Variants in DNAAF11 observed in about 807,000 individuals in gnomAD.
DNAAF11 encodes the protein leucine rich repeat containing 6.
DNAAF11 carries 45 observed loss-of-function variants against 60.8 expected under a neutral mutation model. The observed-to-expected ratio is 0.74, with a 90% CI of 0.58 to 0.95. The LOEUF (loss-of-function observed/expected upper bound fraction) is 0.95. Ranked by LOEUF, DNAAF11 falls within the 40% of genes least tolerant of loss-of-function variation. The pLI is 0.00. For synonymous variants in DNAAF11, 191 were observed against 183.5 expected (o/e 1.04, Z -0.33); for missense variants, 546 against 546.2 (o/e 1.00, Z 0.00).
At chr8:132,690,719 A>T in the DNAAF11 span, among the ~76,000 whole-genome samples, 1 of 152,162 alleles carries the variant, frequency 6.6e-6, no homozygotes, top group Non-Finnish European at 1.5e-5. Flanking sequence ...TCGCCATGAC[A>T]GTTTCTCAGG....
chr8:132,682,500 C>T, the DNAAF11 span, among the ~76,000 whole-genome samples: 2 of 152,288 alleles, frequency 1.3e-5, no homozygotes, highest in African/African-American at 2.4e-5. Context: ...ATTTCTGACC[C>T]ACAGAATCAT....
intron 4 of DNAAF11, 102 bp downstream of exon 4, chr8:132,637,833 A>C: frequency 1.0e-6 from 1 of 968,042 alleles, no homozygotes; most frequent in Non-Finnish European, 1.5e-6. Context: ...ATATTCCATT[A>C]TCTGAAGCAA....
the DNAAF11 span, among the ~76,000 whole-genome samples, chr8:132,692,124 G>T: frequency 1.3e-5 from 2 of 151,880 alleles, no homozygotes; most frequent in Non-Finnish European, 2.9e-5. Flanking sequence ...AGACCAGTTT[G>T]GAGGCTAATG....
chr8:132,677,729 ACT>A (rs1825810202), upstream of DNAAF11, among the ~76,000 whole-genome samples: 1 of 151,994 alleles, frequency 6.6e-6, no homozygotes, highest in South Asian at 2.1e-4. Flanking sequence ...ACATAGTGAG[ACT>A]CTGTGTCTAA....
At chr8:132,618,734 A>T (rs1240292601) in intron 7 of DNAAF11, among the ~76,000 whole-genome samples, 4 of 152,000 alleles carry the variant, frequency 2.6e-5, no homozygotes, top group African/African-American at 9.7e-5. Context: ...AATGCAAATC[A>T]AAACCACAAT....
In DNAAF11 at chr8:132,661,455, C is replaced by T; in HGVS notation, c.178+5G>A. 6.2e-7 allele frequency: 1 copy of T among 1,609,690 alleles called. No homozygotes were observed. On this transcript the variant is annotated splice_donor_5th_base_variant and intron_variant, in intron 2 of 11. Transcript: ENST00000620350. ...AAACCATGAGAACTAAGTACTGAAA[C>T]TTACCAATTTTCCCAATAAGATTAT...
At chr8:132,647,986 G>A (rs909123543) in intron 3 of DNAAF11, among the ~76,000 whole-genome samples, 2 of 152,102 alleles carry the variant, frequency 1.3e-5, no homozygotes, top group Non-Finnish European at 2.9e-5. Flanking sequence ...AGAAGAAGAG[G>A]GAATCCTCCC....
chr8:132,602,002 C>T lies in DNAAF11; in HGVS notation c.1140+8164G>A, dbSNP rs372871244. Among the ~76,000 whole-genome samples the T allele has an allele frequency of 7.9e-5, 12 of 152,158 alleles. No homozygotes were observed. The South Asian group carries it at 2.3e-3, about 29-fold the overall frequency. On this transcript the variant is annotated intron_variant, in intron 10 of 11. Coordinates refer to ENST00000620350, the MANE Select transcript of DNAAF11 (RefSeq NM_012472.6). ...TAACTAAACATGTTAGACCTTCTCA[C>T]TCTATTCTATGTGTTCTTACTGTCT...
chr8:132,622,894 G>A lies in DNAAF11; in HGVS notation c.837-206C>T. 3 of 521,166 alleles carry A rather than the reference G, an allele frequency of 5.8e-6. No homozygotes were observed. In the South Asian group the frequency reaches 8.2e-5, roughly 14 times the overall value. 32.3% of individuals were successfully genotyped at this position (521,166 alleles called of 1,614,324 possible). A position where few individuals can be genotyped will look rare whatever the true frequency, so the allele number is the denominator to read the frequency against. On this transcript the variant is annotated intron_variant, in intron 6 of 11. Transcript: ENST00000620350. ...GACAATCAAGCCAGATTTTTTATAT[G>A]GTTGTATCTGTATCTGTACAGCAAA...
chr8:132,645,160 C>T (rs1822252766), intron 3 of DNAAF11, among the ~76,000 whole-genome samples: 1 of 152,178 alleles, frequency 6.6e-6, no homozygotes, highest in Non-Finnish European at 1.5e-5. Flanking sequence ...CAGGCAGCAA[C>T]ATTTGCTGTT....
the DNAAF11 span, among the ~76,000 whole-genome samples, chr8:132,693,464 T>C: frequency 6.6e-6 from 1 of 151,852 alleles, no homozygotes; most frequent in Non-Finnish European, 1.5e-5. Flanking sequence ...TGTGTGTGTG[T>C]GTGTGTGCGT....
At chr8:132,684,380 G>A in the DNAAF11 span, among the ~76,000 whole-genome samples, 3 of 152,202 alleles carry the variant, frequency 2.0e-5, no homozygotes, top group South Asian at 2.1e-4. Flanking sequence ...AACCAAGAGA[G>A]CTCACCTGAG....
At chr8:132,686,791 T>C in the DNAAF11 span, among the ~76,000 whole-genome samples, 4 of 152,134 alleles carry the variant, frequency 2.6e-5, no homozygotes, top group South Asian at 4.1e-4. Context: ...GAAATGAAGA[T>C]TGAAGGGGAA....
At position 132,632,874 on chromosome 8, in the gene DNAAF11, T is replaced by C; in HGVS notation, c.519A>G (p.Glu173=). 1 of 1,613,888 alleles carries C rather than the reference T, an allele frequency of 6.2e-7. No homozygotes were observed. The highest frequency in any genetic ancestry group is 1.7e-4 in the Middle Eastern group (1 of 6,060). The stretch of plus-strand genomic sequence containing the variant: ...TGGCTCGTTTAAGACAGTGATCTTT[T>C]TCCTGCTCTCTGATTTGTGGTTCAA... ...SVIEPQIREQ[E]KDHCLKRAKL... Residue 173 remains glutamate (E), a synonymous_variant, in exon 5 of 12, where the codon GAA becomes GAG. Coordinates refer to ENST00000620350, the MANE Select transcript of DNAAF11 (RefSeq NM_012472.6).
intron 5 of DNAAF11, among the ~76,000 whole-genome samples, chr8:132,628,649 A>G (rs952201600): frequency 6.6e-6 from 1 of 151,718 alleles, no homozygotes; most frequent in African/African-American, 2.4e-5. Flanking sequence ...GTAACCTCCT[A>G]CTCCTCCCCA....
At chr8:132,635,498 G>C (rs560158660) in intron 4 of DNAAF11, among the ~76,000 whole-genome samples, 16 of 152,040 alleles carry the variant, frequency 1.1e-4, no homozygotes, top group Non-Finnish European at 1.8e-4. Flanking sequence ...TATACTGCAG[G>C]GCCCACCTAC....
intron 10 of DNAAF11, among the ~76,000 whole-genome samples, chr8:132,592,259 A>G (rs542468639): frequency 6.6e-6 from 1 of 152,310 alleles, no homozygotes; most frequent in Non-Finnish European, 1.5e-5. Flanking sequence ...AAGAGAATAA[A>G]CGCAGCTTGC....
chr8:132,687,721 G>A, the DNAAF11 span: 1 of 455,578 alleles, frequency 2.2e-6, no homozygotes, highest in Non-Finnish European at 4.4e-6. Context: ...AGAGCTCAGG[G>A]CCTGAACTCA....
At chr8:132,635,712 A>G (rs1821228127) in intron 4 of DNAAF11, among the ~76,000 whole-genome samples, 1 of 152,236 alleles carries the variant, frequency 6.6e-6, no homozygotes, top group African/African-American at 2.4e-5. Flanking sequence ...TGACAAAAAA[A>G]GATGTTGAAG....
Sources: allele counts gnomAD v4.1 joint callset (sites outside exome capture counted in the v4.1 genomes callset), GRCh38; gene constraint gnomAD v4.1.1; transcripts MANE v1.5; gene names NCBI Gene and HGNC (gene_info 2026-07-23, HGNC 2026-07-21).